SHC4: variants seen among roughly 807,000 people sequenced by gnomAD.
SHC4 encodes SHC-transforming protein 4.
A neutral mutation model predicts 69.4 loss-of-function variants in SHC4; 41 were observed. The observed-to-expected ratio is 0.59, with a 90% CI of 0.46 to 0.77. The LOEUF is 0.77. Ranked by LOEUF, SHC4 falls within the 30% of genes least tolerant of loss-of-function variation. The pLI, the probability that SHC4 is intolerant of heterozygous loss-of-function variation, is 0.00. For synonymous variants in SHC4, 318 were observed against 299.3 expected, an observed-to-expected ratio of 1.06 and a Z score of -0.64; for missense variants, 777 against 783.8, an observed-to-expected ratio of 0.99 and a Z score of 0.10.
At chr15:48,889,672 G>A (rs1419456031) in intron 3 of SHC4, among the ~76,000 whole-genome samples, 1 of 152,088 alleles carries the variant, frequency 6.6e-6, no homozygotes, top group Non-Finnish European at 1.5e-5. Flanking sequence ...GTGAAACCCC[G>A]TCTCTACTAA....
chr15:48,952,940 C>T (rs900311121), intron 1 of SHC4, among the ~76,000 whole-genome samples: 3 of 152,168 alleles, frequency 2.0e-5, no homozygotes, highest in South Asian at 2.1e-4. Flanking sequence ...GAATATAAAT[C>T]GTTCTATTAT....
At chr15:48,875,151 T>G (rs1899770025) in intron 4 of SHC4, among the ~76,000 whole-genome samples, 1 of 152,074 alleles carries the variant, frequency 6.6e-6, no homozygotes, top group African/African-American at 2.4e-5. Context: ...AACAGGTGAT[T>G]CACATTATCC....
intron 5 of SHC4, among the ~76,000 whole-genome samples, chr15:48,868,612 C>A (rs760028491): frequency 2.0e-5 from 3 of 152,070 alleles, no homozygotes; most frequent in Non-Finnish European, 4.4e-5. Flanking sequence ...TATCTAAGTT[C>A]TTGGGAAAAA....
At chr15:48,855,426 A>G (rs1432687713) in intron 8 of SHC4, among the ~76,000 whole-genome samples, 4 of 152,120 alleles carry the variant, frequency 2.6e-5, no homozygotes, top group African/African-American at 9.7e-5. Context: ...AGACAGGGAC[A>G]ATGCTTTCTA....
intron 1 of SHC4, among the ~76,000 whole-genome samples, chr15:48,954,382 C>G (rs1567078406): frequency 6.6e-6 from 1 of 152,180 alleles, no homozygotes; most frequent in Non-Finnish European, 1.5e-5. Context: ...GCCAAAAATG[C>G]AGGTTTCTGG....
chr15:48,888,681 G>T (rs1221122537), intron 3 of SHC4, among the ~76,000 whole-genome samples: 1 of 151,936 alleles, frequency 6.6e-6, no homozygotes, highest in Non-Finnish European at 1.5e-5. Context: ...ATCACTTGAG[G>T]CCAGGGAGTT....
chr15:48,952,596 C>A (rs1038895099), intron 1 of SHC4, among the ~76,000 whole-genome samples: 11 of 151,988 alleles, frequency 7.2e-5, no homozygotes, highest in East Asian at 3.9e-4. Context: ...AGAAAAAAAA[C>A]CCATTGAAAA....
intron 2 of SHC4, among the ~76,000 whole-genome samples, chr15:48,906,727 T>C (rs1240375694): frequency 6.6e-6 from 1 of 152,220 alleles, no homozygotes; most frequent in African/African-American, 2.4e-5. Context: ...AGTTTGATTG[T>C]TTACTGCTCC....
intron 4 of SHC4, chr15:48,878,382 C>T: frequency 6.2e-7 from 1 of 1,612,586 alleles, no homozygotes; most frequent in Non-Finnish European, 8.5e-7. Context: ...ATGGCGGCGC[C>T]AGAGGGGAAA....
At chr15:48,853,776 G>C (rs1187405488) in intron 8 of SHC4, among the ~76,000 whole-genome samples, 1 of 152,170 alleles carries the variant, frequency 6.6e-6, no homozygotes, top group Non-Finnish European at 1.5e-5. Context: ...TGGGATAGCT[G>C]GCTAGGCATA....
At chr15:48,877,618 A>G in intron 4 of SHC4, 1 of 942,284 alleles carries the variant, frequency 1.1e-6, no homozygotes, top group Non-Finnish European at 1.3e-6. Flanking sequence ...AAATGGGACC[A>G]AGTATTTCTT....
intron 4 of SHC4, among the ~76,000 whole-genome samples, chr15:48,873,837 T>C (rs750666389): frequency 1.3e-5 from 2 of 152,138 alleles, no homozygotes; most frequent in Admixed American, 6.6e-5. Context: ...ATAAGAATCA[T>C]GTAATGCTTT....
At chr15:48,912,219 A>G (rs1027235752) in intron 2 of SHC4, among the ~76,000 whole-genome samples, 1 of 152,134 alleles carries the variant, frequency 6.6e-6, no homozygotes, top group Non-Finnish European at 1.5e-5. Context: ...AGGAACACCA[A>G]TTATTCTTAG....
chr15:48,843,687 T>G, intron 9 of SHC4, 99 bp from the exon 10 acceptor site: 1 of 1,147,046 alleles, frequency 8.7e-7, no homozygotes, highest in Non-Finnish European at 1.2e-6. Context: ...CTAAAGGCCA[T>G]GCCCCACCCT....
At chr15:48,879,619 G>C (rs551729703) in intron 4 of SHC4, 1 of 167,156 alleles carries the variant, frequency 6.0e-6, no homozygotes, top group South Asian at 2.1e-4. Context: ...GTTAATAAAA[G>C]TTGTCAAGTA....
At chr15:48,858,204 A>G (rs775576466) in intron 6 of SHC4, among the ~76,000 whole-genome samples, 2 of 152,218 alleles carry the variant, frequency 1.3e-5, no homozygotes, top group African/African-American at 4.8e-5. Context: ...CATATTTGTC[A>G]TCTTTGCACG....
chr15:48,826,374 G>A (rs543982679), intron 11 of SHC4, among the ~76,000 whole-genome samples: 9 of 151,622 alleles, frequency 5.9e-5, no homozygotes, highest in African/African-American at 1.5e-4. Context: ...GCTTCAGCCC[G>A]AGTAACTGGG....
In SHC4 at chr15:48,855,970, C is replaced by G. The variant is rs376666928; in HGVS notation, c.1225G>C (p.Glu409Gln). ...TTACATACCAAATAGCACAACTTTT[C>G]ACACTGTATGGGGCAGTAAGCCATT... is the stretch of plus-strand genomic sequence containing the variant. ...EQMAYCPIQC[E>Q]KLCYLPGNSK... Residue 409 changes from glutamate (E) to glutamine (Q), a missense_variant, in exon 8 of 12, where the codon GAA becomes CAA. Coordinates refer to ENST00000332408, the MANE Select transcript of SHC4 (RefSeq NM_203349.4). The G allele has an allele frequency of 2.0e-5, 32 of 1,610,752 alleles. No homozygotes were observed. The African/African-American group carries it at 3.7e-4, about 19-fold the overall frequency.
intron 2 of SHC4, among the ~76,000 whole-genome samples, chr15:48,899,055 A>AC (rs1900271185): frequency 1.4e-5 from 2 of 147,474 alleles, no homozygotes; most frequent in South Asian, 4.3e-4. Context: ...AAAAAAAAAA[A>AC]AAAAAAACCG....
Sources: gnomAD v4.1 joint callset for allele counts (sites outside exome capture counted in the v4.1 genomes callset) on GRCh38, gnomAD v4.1.1 for gene constraint, MANE v1.5 for transcripts, NCBI Gene and HGNC (gene_info 2026-07-23, HGNC 2026-07-21) for gene names.